KCNMA1: variants seen among roughly 807,000 people sequenced by gnomAD.
KCNMA1 encodes the protein potassium calcium-activated channel subfamily M alpha 1.
A neutral mutation model predicts 140.0 loss-of-function variants in KCNMA1; 29 were observed. The ratio of observed to expected loss-of-function variants is 0.21; its 90% CI spans 0.15 to 0.28. The LOEUF (loss-of-function observed/expected upper bound fraction) is 0.28, where lower values mean the gene tolerates loss of function less well. Ranked by LOEUF, KCNMA1 falls within the 10% of genes least tolerant of loss-of-function variation. The pLI is 1.00. For synonymous variants in KCNMA1, 612 were observed against 611.9 expected (o/e 1.00, Z 0.00); for missense variants, 880 against 1,602.2 (o/e 0.55, Z 7.70).
chr10:77,311,903 A>T (rs1265627292), intron 2 of KCNMA1, among the ~76,000 whole-genome samples: 3 of 152,212 alleles, frequency 2.0e-5, no homozygotes, highest in Admixed American at 2.0e-4. Flanking sequence ...TGCTTTCCTA[A>T]GGGTGCACGG....
In KCNMA1 at chr10:76,885,535, C is replaced by G; in HGVS notation, c.*1731G>C. 1.0e-6 allele frequency: 1 copy of G among 985,202 alleles called. No homozygotes were observed. Among genetic ancestry groups the G allele is most frequent in the Non-Finnish European group, 1.2e-6 (1 of 829,888 alleles). 61.0% of individuals were successfully genotyped at this position (985,202 alleles called of 1,614,324 possible). A position where few individuals can be genotyped will look rare whatever the true frequency, so the allele number is the denominator to read the frequency against. Reference sequence around the variant, plus strand: ...TATCATGCTTGAGGGGACGGGGGATCCAAAATCTAAATCCAAAACATTCAC... The same window carrying G: ...TATCATGCTTGAGGGGACGGGGGATGCAAAATCTAAATCCAAAACATTCAC... On this transcript the variant is annotated 3_prime_UTR_variant, in exon 28 of 28. Coordinates refer to ENST00000286628, the MANE Select transcript of KCNMA1 (RefSeq NM_001161352.2).
At chr10:77,095,843 A>C (rs2153811351) in intron 9 of KCNMA1, among the ~76,000 whole-genome samples, 1 of 152,278 alleles carries the variant, frequency 6.6e-6, no homozygotes, top group South Asian at 2.1e-4. Flanking sequence ...ACCTAGGGGA[A>C]GTGACTTAAG....
intron 3 of KCNMA1, among the ~76,000 whole-genome samples, chr10:77,208,127 G>T (rs181919178): frequency 2.0e-5 from 3 of 152,350 alleles, no homozygotes; most frequent in Admixed American, 6.5e-5. Context: ...TTGCAAATCT[G>T]CGGATACGCA....
At chr10:76,943,451 G>A (rs2063120414) in intron 23 of KCNMA1, among the ~76,000 whole-genome samples, 1 of 152,184 alleles carries the variant, frequency 6.6e-6, no homozygotes. Flanking sequence ...TTGACCAGAA[G>A]CTGCTGTGAA....
chr10:77,221,036 C>G (rs1565307736), intron 3 of KCNMA1, among the ~76,000 whole-genome samples: 1 of 152,178 alleles, frequency 6.6e-6, no homozygotes. Flanking sequence ...AATAAACCAA[C>G]ACTCCAATTA....
intron 19 of KCNMA1, among the ~76,000 whole-genome samples, chr10:76,981,331 C>T (rs2079374701): frequency 6.6e-6 from 1 of 151,904 alleles, no homozygotes; most frequent in South Asian, 2.1e-4. Context: ...TTAGGTTTTG[C>T]CAAATGTCAT....
intron 23 of KCNMA1, among the ~76,000 whole-genome samples, chr10:76,920,020 G>GTGTGTGTGTGTGTGTGTATATATA (rs1177257916): frequency 1.5e-4 from 5 of 34,422 alleles, no homozygotes; most frequent in African/African-American, 5.3e-4. Flanking sequence ...GTGTGTGTGT[G>GTGTGTGTGTGTGTGTGTATATATA]TATATATATA....
At chr10:77,234,582 A>C (rs906914941) in intron 3 of KCNMA1, among the ~76,000 whole-genome samples, 7 of 152,254 alleles carry the variant, frequency 4.6e-5, no homozygotes, top group African/African-American at 1.2e-4. Flanking sequence ...AGTGACATGT[A>C]ATCCATACTG....
chr10:77,183,404 A>C lies in KCNMA1; in HGVS notation c.808+17T>G. 1 of 1,553,940 alleles carries C rather than the reference A, an allele frequency of 6.4e-7. No homozygotes were observed. Among genetic ancestry groups the C allele is most frequent in the Non-Finnish European group, 8.9e-7 (1 of 1,125,376 alleles). On this transcript the variant is annotated intron_variant, in intron 5 of 27. Transcript: ENST00000286628. The stretch of plus-strand genomic sequence containing the variant: ...ACTCAGGAACCAGGAAGGAGAAGGA[A>C]AGAGAGGCTGACTTACCAAGCCAAC...
intron 1 of KCNMA1, among the ~76,000 whole-genome samples, chr10:77,444,612 G>A (rs1261913618): frequency 6.6e-6 from 1 of 152,134 alleles, no homozygotes; most frequent in Non-Finnish European, 1.5e-5. Context: ...CATGCCATAT[G>A]CCTCTCTTGT....
intron 1 of KCNMA1, among the ~76,000 whole-genome samples, chr10:77,554,614 A>G (rs949004635): frequency 6.0e-5 from 9 of 150,070 alleles, no homozygotes; most frequent in Non-Finnish European, 1.2e-4. Context: ...AAAAAAAAAA[A>G]AAAAGAAAGA....
At chr10:77,370,123 G>T (rs2094594347) in intron 2 of KCNMA1, among the ~76,000 whole-genome samples, 1 of 152,182 alleles carries the variant, frequency 6.6e-6, no homozygotes, top group Non-Finnish European at 1.5e-5. Flanking sequence ...TGGATTTTAG[G>T]TAAAGAAGTG....
At chr10:77,069,789 C>T (rs1337757079) in intron 14 of KCNMA1, among the ~76,000 whole-genome samples, 1 of 152,064 alleles carries the variant, frequency 6.6e-6, no homozygotes, top group African/African-American at 2.4e-5. Context: ...TTTTGTAATT[C>T]CTGTATGCCA....
Position 76,887,286 on chromosome 10 carries a change from C to T in KCNMA1, c.3691G>A (p.Val1231Met), listed in dbSNP as rs746552861. The T allele has an allele frequency of 3.1e-6, 5 of 1,614,138 alleles. No individual in the cohort carries two copies. Among genetic ancestry groups the T allele is most frequent in the African/African-American group, 1.3e-5 (1 of 75,026 alleles). ...ACATATCAAAGCCGCTCTTCCTGCACGTACTTCTGTTTGTCCCGGGACTCC... is the reference window on the plus strand; with the variant it reads ...ACATATCAAAGCCGCTCTTCCTGCATGTACTTCTGTTTGTCCCGGGACTCC... ...SRESRDKQKY[V>M]QEERL Residue 1231 changes from valine to methionine, a missense_variant, in exon 28 of 28, where the codon GTG (valine) becomes ATG (methionine). By Grantham distance (21) the Val-to-Met change is conservative. This residue lies in a region of KCNMA1 where 115 missense variants were observed against 139.9 expected (regional missense o/e 0.82). Transcript: ENST00000286628.
intron 1 of KCNMA1, among the ~76,000 whole-genome samples, chr10:77,549,176 G>A (rs1382781850): frequency 2.0e-5 from 3 of 152,184 alleles, no homozygotes; most frequent in Admixed American, 1.3e-4. Context: ...CTCTAAATAT[G>A]CATACTCCAC....
chr10:77,119,155 T>C (rs1035870720), intron 6 of KCNMA1, among the ~76,000 whole-genome samples: 1 of 152,140 alleles, frequency 6.6e-6, no homozygotes, highest in Non-Finnish European at 1.5e-5. Flanking sequence ...CTGAGTGCAG[T>C]TGGCAGGTGA....
chr10:76,947,276 G>T (rs937010061), intron 22 of KCNMA1, among the ~76,000 whole-genome samples: 1 of 152,158 alleles, frequency 6.6e-6, no homozygotes, highest in South Asian at 2.1e-4. Context: ...GGTGAAGGTT[G>T]CAGTGAGCCG....
chr10:77,270,842 A>C (rs902205766), intron 2 of KCNMA1, among the ~76,000 whole-genome samples: 1 of 152,160 alleles, frequency 6.6e-6, no homozygotes, highest in South Asian at 2.1e-4. Context: ...GCTCCCTCTA[A>C]TAGAAATATT....
At chr10:76,971,544 A>C (rs2076093125) in intron 19 of KCNMA1, among the ~76,000 whole-genome samples, 1 of 152,136 alleles carries the variant, frequency 6.6e-6, no homozygotes, top group African/African-American at 2.4e-5. Context: ...GATGCAGGAA[A>C]AGGGAATGAC....
Sources: gnomAD v4.1 joint callset for allele counts (sites outside exome capture counted in the v4.1 genomes callset) on GRCh38, gnomAD v4.1.1 for gene constraint, gnomAD v4.1.1 regional missense constraint, MANE v1.5 for transcripts, NCBI Gene and HGNC (gene_info 2026-07-23, HGNC 2026-07-21) for gene names.